Variants in CNGA1 observed in about 807,000 individuals in gnomAD.
CNGA1 encodes cyclic nucleotide gated channel subunit alpha 1, also known as cyclic nucleotide-gated channel alpha-1.
A neutral mutation model predicts 69.7 loss-of-function variants in CNGA1; 53 were observed. The ratio of observed to expected loss-of-function variants is 0.76; its 90% confidence interval spans 0.61 to 0.96. The LOEUF (loss-of-function observed/expected upper bound fraction) is 0.96. CNGA1 is among the 40% of genes least tolerant of loss of function. The probability of loss-of-function intolerance (pLI) is 0.00; values close to 1 mark genes in which losing one functional copy is unlikely to be tolerated. For missense variants in CNGA1, 739 were observed against 811.2 expected (o/e 0.91, Z 1.08); for synonymous variants, 249 against 283.5 (o/e 0.88, Z 1.22).
chr4:48,011,901 G>A (rs766968412), intron 1 of CNGA1, among the ~76,000 whole-genome samples: 15 of 152,036 alleles, frequency 9.9e-5, no homozygotes, highest in Non-Finnish European at 1.8e-4. Flanking sequence ...TAATAGTGGC[G>A]GCCCTTAAAG....
intron 3 of CNGA1, among the ~76,000 whole-genome samples, chr4:47,976,556 T>G (rs1427058675): frequency 6.6e-6 from 1 of 151,872 alleles, no homozygotes; most frequent in African/African-American, 2.4e-5. Context: ...TTCCCTGGAC[T>G]GTAATTCCAC....
intron 8 of CNGA1, among the ~76,000 whole-genome samples, 173 bp from the exon 9 acceptor site, chr4:47,942,321 A>G (rs2110140041): frequency 6.6e-6 from 1 of 151,594 alleles, no homozygotes; most frequent in Non-Finnish European, 1.5e-5. Context: ...GTCATAAGAA[A>G]GTGGTTAGTG....
intron 3 of CNGA1, among the ~76,000 whole-genome samples, chr4:47,976,216 CAT>C (rs1175405055): frequency 8.8e-5 from 6 of 67,992 alleles, no homozygotes; most frequent in South Asian, 4.1e-4. Context: ...TATATATACA[CAT>C]ACATATATAT....
At chr4:47,988,849 G>A (rs1278353717) in intron 2 of CNGA1, among the ~76,000 whole-genome samples, 1 of 151,528 alleles carries the variant, frequency 6.6e-6, no homozygotes. Context: ...TCATCCCTAG[G>A]TATACGTGGT....
rs2110141920 is a variant in CNGA1 at position 47,943,234 on chromosome 4, TTTC to T, written c.381_383del (p.Lys129del). The T allele has an allele frequency of 6.3e-7, 1 of 1,591,568 alleles. No homozygotes were observed. Among genetic ancestry groups the T allele is most frequent in the Non-Finnish European group, 8.6e-7 (1 of 1,168,798 alleles). On this transcript the variant is annotated inframe_deletion, in exon 8 of 11. Coordinates refer to ENST00000514170, the MANE Select transcript of CNGA1 (RefSeq NM_001379270.1). Reference sequence around the variant, plus strand: ...CTTTCTTTTTCTTCTCTTTGTCCTTTTTCTTCTTTTTCTTCTCTGGGTCGTTTT... The same window carrying T: ...CTTTCTTTTTCTTCTCTTTGTCCTTTTTCTTTTTCTTCTCTGGGTCGTTTT...
rs190886197 is a variant in CNGA1 at position 48,010,499 on chromosome 4, G to A, written c.-123+295C>T. On this transcript the variant is annotated intron_variant, in intron 2 of 10. Transcript: ENST00000514170. ...CTCACAGAGCTCCCAAGATGGTGGC[G>A]AGCCACTTCCAAGATGGTGGTGGGT... Among the ~76,000 whole-genome samples the A allele has an allele frequency of 4.2e-3, 632 of 152,262 alleles. 19 individuals carry two copies. The highest frequency in any genetic ancestry group is 0.033 in the Admixed American group (503 of 15,292).
chr4:47,943,519 C>T (rs989008498), intron 6 of CNGA1, 107 bp from the exon 7 acceptor site: 5 of 726,646 alleles, frequency 6.9e-6, no homozygotes, highest in Non-Finnish European at 1.1e-5. Flanking sequence ...AGACCTGCTC[C>T]AGTGCTCAAA....
At chr4:47,967,962 A>T (rs1740814824) in intron 3 of CNGA1, among the ~76,000 whole-genome samples, 1 of 152,094 alleles carries the variant, frequency 6.6e-6, no homozygotes, top group African/African-American at 2.4e-5. Context: ...TGGGTGACAG[A>T]GCAAGACTTC....
chr4:47,978,046 G>C (rs1381290188), intron 3 of CNGA1, among the ~76,000 whole-genome samples: 1 of 151,992 alleles, frequency 6.6e-6, no homozygotes, highest in South Asian at 2.1e-4. Flanking sequence ...GGCTGGTCTC[G>C]AACTCCTGAC....
chr4:47,948,063 T>C (rs560060812), intron 6 of CNGA1, among the ~76,000 whole-genome samples: 1 of 152,232 alleles, frequency 6.6e-6, no homozygotes, highest in African/African-American at 2.4e-5. Context: ...ATATTATGAC[T>C]ATTCATTTGC....
chr4:47,971,892 A>T (rs1741063703), intron 3 of CNGA1, among the ~76,000 whole-genome samples: 1 of 126,258 alleles, frequency 7.9e-6, no homozygotes, highest in African/African-American at 2.9e-5. Context: ...AGACTCTCTG[A>T]AAAACAAACA....
chr4:48,011,456 GCTGA>G (rs1384593784), intron 1 of CNGA1, among the ~76,000 whole-genome samples: 1 of 151,772 alleles, frequency 6.6e-6, no homozygotes, highest in Non-Finnish European at 1.5e-5. Flanking sequence ...TTTTAATTAA[GCTGA>G]CTTTTAACCA....
Position 47,937,353 on chromosome 4 carries a change from C to T in CNGA1, c.1129G>A (p.Asp377Asn). 1.2e-6 allele frequency: 2 copies of T among 1,614,086 alleles called. No individual in the cohort carries two copies. The highest frequency in any genetic ancestry group is 1.7e-6 in the Non-Finnish European group (2 of 1,180,028). ...RDSEYVFVVVDFLIGVLIFAT... is the reference protein window; with the variant it reads ...RDSEYVFVVVNFLIGVLIFAT... ...AAAATTAACACTCCAATTAGGAAAT[C>T]AACCACCACAAAGACATACTCAGAA... is the stretch of plus-strand genomic sequence containing the variant. The change falls in exon 11 of 11, where the codon GAT (aspartate) becomes AAT (asparagine). Residue 377 changes from aspartate (D) to asparagine (N), a missense_variant. Transcript: ENST00000514170.
At chr4:47,985,454 C>T (rs748611962) in intron 2 of CNGA1, among the ~76,000 whole-genome samples, 1 of 152,096 alleles carries the variant, frequency 6.6e-6, no homozygotes, top group Non-Finnish European at 1.5e-5. Flanking sequence ...CATAGGTAGC[C>T]ATGAATGTTT....
intron 1 of CNGA1, chr4:48,012,971 C>T (rs1330016737): frequency 6.6e-6 from 1 of 152,126 alleles, no homozygotes; most frequent in Non-Finnish European, 1.5e-5. Flanking sequence ...AAAAAACACT[C>T]CTTTTCCCTG....
intron 6 of CNGA1, among the ~76,000 whole-genome samples, chr4:47,947,403 G>A (rs761230867): frequency 5.3e-5 from 8 of 152,288 alleles, no homozygotes; most frequent in African/African-American, 1.2e-4. Context: ...GACTGGGTCC[G>A]ATGGCTCAAG....
chr4:47,967,455 A>C (rs1740786071), intron 3 of CNGA1, among the ~76,000 whole-genome samples: 1 of 152,238 alleles, frequency 6.6e-6, no homozygotes, highest in Non-Finnish European at 1.5e-5. Context: ...CGCTTGCAAT[A>C]AGGCAGGAAA....
At chr4:47,980,766 G>T (rs1578108789) in intron 3 of CNGA1, among the ~76,000 whole-genome samples, 2 of 152,116 alleles carry the variant, frequency 1.3e-5, no homozygotes, top group Admixed American at 1.3e-4. Flanking sequence ...GAGCTACCAG[G>T]CCCAGCCAAT....
chr4:47,964,372 T>C (rs796605395), intron 3 of CNGA1, among the ~76,000 whole-genome samples: 118 of 152,204 alleles, frequency 7.8e-4, no homozygotes, highest in African/African-American at 2.7e-3. Context: ...TAAAGAAAAA[T>C]GAGTCCTTCT....
Sources: gnomAD v4.1 joint callset for allele counts (sites outside exome capture counted in the v4.1 genomes callset) on GRCh38, gnomAD v4.1.1 for gene constraint, MANE v1.5 for transcripts, NCBI Gene and HGNC (gene_info 2026-07-23, HGNC 2026-07-21) for gene names.